The following DYNLT5 variants were observed in gnomAD, a reference collection of about 807,000 sequenced individuals.
DYNLT5 encodes dynein light chain Tctex-type family member 5, also known as dynein light chain Tctex-type 5.
In DYNLT5, 25 loss-of-function variants were observed where a neutral mutation model predicts 19.3. That is an observed-to-expected ratio of 1.30 (90% CI 0.95 to 1.81). The LOEUF (loss-of-function observed/expected upper bound fraction) is 1.81. Among genes scored for constraint, DYNLT5 ranks in the 40% most tolerant of loss-of-function variants. The pLI, the probability that DYNLT5 is intolerant of heterozygous loss-of-function variation, is 0.00. For synonymous variants in DYNLT5, 82 were observed against 68.9 expected (o/e 1.19, Z -0.94); for missense variants, 232 against 217.9 (o/e 1.06, Z -0.41).
At chr1:66,765,575 T>A (rs542375908) in intron 2 of DYNLT5, among the ~76,000 whole-genome samples, 7 of 152,000 alleles carry the variant, frequency 4.6e-5, no homozygotes, top group Admixed American at 6.6e-5. Flanking sequence ...ATTTGCAAGA[T>A]GTTTTTAAGA....
At position 66,754,646 on chromosome 1, in the gene DYNLT5, TC is replaced by T. The variant is rs1399178505; in HGVS notation, c.-3-9del. ...TTCTTTTGCTATTTTACAAAAGTCT[TC>T]TTCCATAGGTTATGATGATGTCAGA... On this transcript the variant is annotated splice_polypyrimidine_tract_variant and intron_variant, in intron 1 of 4. Coordinates refer to ENST00000282670, the MANE Select transcript of DYNLT5 (RefSeq NM_152665.3). 6.3e-7 allele frequency: 1 copy of T among 1,590,198 alleles called. No individual in the cohort carries two copies. Among genetic ancestry groups the T allele is most frequent in the Admixed American group, 1.8e-5 (1 of 54,284 alleles).
rs550441031 is a variant in DYNLT5, at chr1:66,760,883, C to T, written c.119+6106C>T. Among the ~76,000 whole-genome samples, 15 of 152,328 alleles carry T rather than the reference C, an allele frequency of 9.8e-5. No homozygotes were observed. The South Asian group carries it at 3.1e-3, about 32-fold the overall frequency. On this transcript the variant is annotated intron_variant, in intron 2 of 4. Coordinates refer to ENST00000282670, the MANE Select transcript of DYNLT5 (RefSeq NM_152665.3). Reference sequence around the variant, plus strand: ...GACACTAACTCTGATCTTCTATCCACATACTTAAAATTGTTGTACTTTGTC... The same window carrying T: ...GACACTAACTCTGATCTTCTATCCATATACTTAAAATTGTTGTACTTTGTC...
At chr1:66,764,844 C>G (rs1380951844) in intron 2 of DYNLT5, among the ~76,000 whole-genome samples, 1 of 152,204 alleles carries the variant, frequency 6.6e-6, no homozygotes, top group Non-Finnish European at 1.5e-5. Flanking sequence ...AACTGCAAAA[C>G]TAACTTACCT....
intron 2 of DYNLT5, among the ~76,000 whole-genome samples, chr1:66,763,820 C>T (rs2094649957): frequency 1.3e-5 from 2 of 152,150 alleles, no homozygotes; most frequent in African/African-American, 2.4e-5. Flanking sequence ...AAACTTTCTC[C>T]AAATCAGCAA....
chr1:66,767,487 G>C (rs1041045179), intron 2 of DYNLT5, among the ~76,000 whole-genome samples: 8 of 152,010 alleles, frequency 5.3e-5, no homozygotes, highest in Non-Finnish European at 1.2e-4. Context: ...TGAACTCCTG[G>C]CCTCAAGTGG....
chr1:66,776,441 A>G (rs1307405216), intron 4 of DYNLT5, 38 bp downstream of exon 4: 6 of 1,562,570 alleles, frequency 3.8e-6, no homozygotes, highest in East Asian at 4.6e-5. Flanking sequence ...AACAATAGCT[A>G]GAATATTTGC....
chr1:66,763,715 C>A (rs1431996850), intron 2 of DYNLT5, among the ~76,000 whole-genome samples: 4 of 152,276 alleles, frequency 2.6e-5, no homozygotes, highest in Middle Eastern at 3.4e-3. Flanking sequence ...CTTTTCTTAG[C>A]CTTCATGGAA....
At chr1:66,758,433 G>C (rs1357513229) in intron 2 of DYNLT5, among the ~76,000 whole-genome samples, 1 of 152,156 alleles carries the variant, frequency 6.6e-6, no homozygotes, top group Non-Finnish European at 1.5e-5. Context: ...AGTTCCACTA[G>C]TAGATTAGGG....
intron 2 of DYNLT5, 66 bp downstream of exon 2, chr1:66,754,843 G>GA (rs2094633216): frequency 4.1e-6 from 6 of 1,474,358 alleles, no homozygotes; most frequent in African/African-American, 1.4e-5. Context: ...TTTATTAGGA[G>GA]AAAAAAACAC....
chr1:66,761,890 A>G (rs2094646574), intron 2 of DYNLT5, among the ~76,000 whole-genome samples: 1 of 152,220 alleles, frequency 6.6e-6, no homozygotes. Flanking sequence ...ATACTGTTTG[A>G]TAGCATTTTA....
intron 2 of DYNLT5, among the ~76,000 whole-genome samples, chr1:66,759,830 A>G (rs1341687047): frequency 2.6e-5 from 4 of 152,246 alleles, no homozygotes. Context: ...TATCAGAGTA[A>G]GAGCTTACAG....
In DYNLT5 at chr1:66,776,264, T is replaced by A; in HGVS notation, c.212-15T>A. ...GAAATTACTTTTTAGAAATAAATTTTATGTGTATTTTCAGGTCCTCCCAAA... is the reference window on the plus strand; with the variant it reads ...GAAATTACTTTTTAGAAATAAATTTAATGTGTATTTTCAGGTCCTCCCAAA... On this transcript the variant is annotated splice_polypyrimidine_tract_variant and intron_variant, in intron 3 of 4. Transcript: ENST00000282670. 6.2e-7 allele frequency: 1 copy of A among 1,610,364 alleles called. No individual in the cohort carries two copies. The highest frequency in any genetic ancestry group is 1.3e-5 in the African/African-American group (1 of 74,896).
At chr1:66,776,560 G>GGTGT (rs112651579) in intron 4 of DYNLT5, among the ~76,000 whole-genome samples, 157 bp downstream of exon 4, 41 of 126,586 alleles carry the variant, frequency 3.2e-4, no homozygotes, top group Non-Finnish European at 3.9e-4. Context: ...TGTGTGTGTG[G>GGTGT]GTGTGTGTGT....
chr1:66,764,535 A>G (rs1276739246), intron 2 of DYNLT5, among the ~76,000 whole-genome samples: 1 of 152,246 alleles, frequency 6.6e-6, no homozygotes, highest in Non-Finnish European at 1.5e-5. Context: ...TTATATGGAT[A>G]CAGTTTGTGG....
chr1:66,760,964 G>T (rs1439083792), intron 2 of DYNLT5, among the ~76,000 whole-genome samples: 1 of 152,140 alleles, frequency 6.6e-6, no homozygotes, highest in Non-Finnish European at 1.5e-5. Flanking sequence ...TTCACAGGTT[G>T]CATGGTTCAT....
intron 2 of DYNLT5, among the ~76,000 whole-genome samples, chr1:66,764,838 G>T (rs535000443): frequency 6.6e-6 from 1 of 152,162 alleles, no homozygotes; most frequent in East Asian, 1.9e-4. Flanking sequence ...CTAAATAACT[G>T]CAAAACTAAC....
chr1:66,777,199 T>G, intron 4 of DYNLT5, 52 bp from the exon 5 acceptor site: 1 of 1,469,928 alleles, frequency 6.8e-7, no homozygotes, highest in Non-Finnish European at 9.4e-7. Flanking sequence ...GGTTAATGCT[T>G]TTGAGTTTCA....
chr1:66,771,983 A>C (rs991390497), intron 3 of DYNLT5, among the ~76,000 whole-genome samples: 1 of 152,192 alleles, frequency 6.6e-6, no homozygotes, highest in Non-Finnish European at 1.5e-5. Flanking sequence ...GTCTATGTGA[A>C]TTTTTTAATA....
At chr1:66,756,854 G>A (rs534107726) in intron 2 of DYNLT5, among the ~76,000 whole-genome samples, 2 of 152,300 alleles carry the variant, frequency 1.3e-5, no homozygotes, top group South Asian at 2.1e-4. Flanking sequence ...CTGGCCCCCA[G>A]CCATTGCCCC....
Sources: gnomAD v4.1 joint callset for allele counts (sites outside exome capture counted in the v4.1 genomes callset) on GRCh38, gnomAD v4.1.1 for gene constraint, MANE v1.5 for transcripts, NCBI Gene and HGNC (gene_info 2026-07-23, HGNC 2026-07-21) for gene names.